The following CACNG2 variants were observed in gnomAD, a reference collection of about 807,000 sequenced individuals.
CACNG2 encodes voltage-dependent calcium channel gamma-2 subunit.
Under a neutral mutation model 25.9 loss-of-function variants are expected in CACNG2, and 3 were observed. The ratio of observed to expected loss-of-function variants is 0.12; its 90% confidence interval spans 0.05 to 0.30. CACNG2 has a LOEUF of 0.30. CACNG2 is among the 10% of genes least tolerant of loss of function. The pLI, the probability that CACNG2 is intolerant of heterozygous loss-of-function variation, is 1.00. For synonymous variants in CACNG2, 167 were observed against 173.3 expected (o/e 0.96, Z 0.29); for missense variants, 341 against 432.5 (o/e 0.79, Z 1.88).
In CACNG2 at chr22:36,655,701, TTCTTTCTCTTTC is replaced by T. The variant is rs200088794; in HGVS notation, c.211+46653_211+46664del. Among the ~76,000 whole-genome samples, 486 of 150,542 alleles carry T rather than the reference TTCTTTCTCTTTC, an allele frequency of 3.2e-3. 4 individuals carry two copies. Among genetic ancestry groups the T allele is most frequent in the African/African-American group, 0.011 (459 of 39,928 alleles). ...TTCCTTTCTTCCTTCCTTCCTTTCT[TTCTTTCTCTTTC>T]TCTTTCTTTCTTTTCTTTCTTTCTC... On this transcript the variant is annotated intron_variant, in intron 1 of 3. Transcript: ENST00000300105.
chr22:36,562,687 T>C lies in CACNG2; in HGVS notation c.*1664A>G, dbSNP rs1283705943. 1 of 152,382 alleles carries C rather than the reference T, an allele frequency of 6.6e-6. No individual in the cohort carries two copies. Among genetic ancestry groups the C allele is most frequent in the Non-Finnish European group, 1.5e-5 (1 of 68,130 alleles). 9.4% of individuals were successfully genotyped at this position (152,382 alleles called of 1,614,324 possible). A position where few individuals can be genotyped will look rare whatever the true frequency, so the allele number is the denominator to read the frequency against. On this transcript the variant is annotated 3_prime_UTR_variant, in exon 4 of 4. Coordinates refer to ENST00000300105, the MANE Select transcript of CACNG2 (RefSeq NM_006078.5). ...GACTGAGTGTGTCCCTGTGAGTGAC[T>C]GCAGTGCTGGGCTAAGTGGACTGTG...
intron 1 of CACNG2, among the ~76,000 whole-genome samples, chr22:36,662,367 C>T (rs927750423): frequency 2.0e-5 from 3 of 152,124 alleles, no homozygotes; most frequent in Non-Finnish European, 4.4e-5. Context: ...AGGTGCAGAG[C>T]GATCAGTGAT....
rs142761293 is a variant in CACNG2, at chr22:36,569,839, C to T, written c.296-3346G>A. On this transcript the variant is annotated intron_variant, in intron 2 of 3. Coordinates refer to ENST00000300105, the MANE Select transcript of CACNG2 (RefSeq NM_006078.5). ...ACAGGCCTGAGCCACCGCGCCCGGC[C>T]GTTAGATAGTTTCTAATAGCTCTGC... is the stretch of plus-strand genomic sequence containing the variant. Among the ~76,000 whole-genome samples the T allele has an allele frequency of 9.0e-3, 1,373 of 152,278 alleles. 27 individuals are homozygous for T. Among genetic ancestry groups the T allele is most frequent in the African/African-American group, 0.031 (1,302 of 41,550 alleles).
chr22:36,617,504 T>C (rs1024875138), intron 1 of CACNG2, among the ~76,000 whole-genome samples: 1 of 151,886 alleles, frequency 6.6e-6, no homozygotes, highest in Non-Finnish European at 1.5e-5. Flanking sequence ...CAGCTATTCA[T>C]GTTGAGCCAA....
At chr22:36,691,266 A>T (rs1203055266) in intron 1 of CACNG2, among the ~76,000 whole-genome samples, 1 of 150,460 alleles carries the variant, frequency 6.6e-6, no homozygotes, top group Non-Finnish European at 1.5e-5. Context: ...TCCTGGAGAC[A>T]AAGTAGGATG....
In CACNG2 at chr22:36,674,888, A is replaced by C. The variant is rs374945689; in HGVS notation, c.211+27478T>G. Among the ~76,000 whole-genome samples, 10 of 152,318 alleles carry C rather than the reference A, an allele frequency of 6.6e-5. 1 individual carries two copies. The highest frequency in any genetic ancestry group is 6.2e-4 in the South Asian group (3 of 4,828). On this transcript the variant is annotated intron_variant, in intron 1 of 3. Coordinates refer to ENST00000300105, the MANE Select transcript of CACNG2 (RefSeq NM_006078.5). ...AATCTCCCTGGGCCTCTGTTTTCTC[A>C]TCTGTAAAGTAAGTTTGATTATAGT... is the stretch of plus-strand genomic sequence containing the variant.
intron 2 of CACNG2, among the ~76,000 whole-genome samples, chr22:36,567,328 A>G (rs1418524128): frequency 6.6e-6 from 1 of 152,204 alleles, no homozygotes; most frequent in Non-Finnish European, 1.5e-5. Context: ...TGAGACAAGG[A>G]CTGTGGCTTT....
At chr22:36,587,790 A>T (rs959353726) in intron 1 of CACNG2, among the ~76,000 whole-genome samples, 3 of 152,232 alleles carry the variant, frequency 2.0e-5, no homozygotes, top group South Asian at 2.1e-4. Context: ...CTGTCCCTGC[A>T]CTGAAGCTTC....
At chr22:36,616,527 T>C (rs5750276) in intron 1 of CACNG2, among the ~76,000 whole-genome samples, 42,839 of 152,070 alleles carry the variant, frequency 0.28, 10,007 homozygotes, top group African/African-American at 0.64. Flanking sequence ...TCCTGGAAAC[T>C]AGAGAGTATT....
At chr22:36,574,125 C>G (rs1432230383) in intron 2 of CACNG2, among the ~76,000 whole-genome samples, 1 of 152,008 alleles carries the variant, frequency 6.6e-6, no homozygotes, top group Non-Finnish European at 1.5e-5. Context: ...AGCTTTATCC[C>G]AAGAGCAATG....
At chr22:36,593,183 G>A (rs1935622722) in intron 1 of CACNG2, among the ~76,000 whole-genome samples, 2 of 152,278 alleles carry the variant, frequency 1.3e-5, no homozygotes, top group African/African-American at 2.4e-5. Flanking sequence ...AAGACTGATC[G>A]GTACAACAGT....
chr22:36,700,768 T>C (rs989852621), intron 1 of CACNG2, among the ~76,000 whole-genome samples: 2 of 152,176 alleles, frequency 1.3e-5, no homozygotes, highest in Admixed American at 6.5e-5. Flanking sequence ...GGGAAGAGCA[T>C]ATAGTATTCA....
intron 1 of CACNG2, among the ~76,000 whole-genome samples, chr22:36,683,786 C>G (rs73417605): frequency 0.021 from 3,238 of 152,128 alleles, 86 homozygotes; most frequent in South Asian, 0.023. Flanking sequence ...CTGGAGGAAA[C>G]CAAAGGGAAA....
chr22:36,660,882 T>C (rs2145983370), intron 1 of CACNG2, among the ~76,000 whole-genome samples: 1 of 152,358 alleles, frequency 6.6e-6, no homozygotes, highest in East Asian at 1.9e-4. Context: ...ATAAATGACT[T>C]ACTCTCCTCT....
chr22:36,640,584 A>G (rs1009938765), intron 1 of CACNG2, among the ~76,000 whole-genome samples: 20 of 151,926 alleles, frequency 1.3e-4, no homozygotes, highest in Non-Finnish European at 1.6e-4. Flanking sequence ...CGGTTTCCTC[A>G]CCTGCAGGAC....
At chr22:36,650,830 T>C (rs1399127635) in intron 1 of CACNG2, among the ~76,000 whole-genome samples, 3 of 152,184 alleles carry the variant, frequency 2.0e-5, no homozygotes, top group Admixed American at 6.5e-5. Flanking sequence ...CTCTTTGCCA[T>C]TGTAAAACAC....
chr22:36,702,316 A>C, intron 1 of CACNG2, 50 bp downstream of exon 1: 1 of 1,092,518 alleles, frequency 9.2e-7, no homozygotes, highest in Non-Finnish European at 1.3e-6. Context: ...GGGGGGAGTG[A>C]AAGGGGAGGG....
chr22:36,636,497 G>A (rs1439882031), intron 1 of CACNG2, among the ~76,000 whole-genome samples: 3 of 152,222 alleles, frequency 2.0e-5, no homozygotes, highest in Non-Finnish European at 4.4e-5. Flanking sequence ...GGCAACAGAT[G>A]TTAAGAAATT....
intron 1 of CACNG2, among the ~76,000 whole-genome samples, chr22:36,635,543 T>C (rs182769600): frequency 5.9e-4 from 90 of 152,288 alleles, no homozygotes; most frequent in Non-Finnish European, 1.1e-3. Context: ...AAGTAAATTG[T>C]GGTACATCCC....
Sources: gnomAD v4.1 joint callset for allele counts (sites outside exome capture counted in the v4.1 genomes callset) on GRCh38, gnomAD v4.1.1 for gene constraint, MANE v1.5 for transcripts, NCBI Gene and HGNC (gene_info 2026-07-23, HGNC 2026-07-21) for gene names.